HERC4: variants seen among roughly 807,000 people sequenced by gnomAD.
HERC4 encodes the protein probable E3 ubiquitin-protein ligase HERC4.
In HERC4, 28 loss-of-function variants were observed where a neutral mutation model predicts 124.3. The observed-to-expected ratio is 0.23, with a 90% CI of 0.17 to 0.31. The LOEUF is 0.31. Ranked by LOEUF, HERC4 falls within the 10% of genes least tolerant of loss-of-function variation. The pLI is 1.00. For synonymous variants in HERC4, 407 were observed against 421.5 expected, an observed-to-expected ratio of 0.97 and a Z score of 0.42; for missense variants, 713 against 1,229.3, an observed-to-expected ratio of 0.58 and a Z score of 6.28.
At chr10:68,057,354 G>A (rs990040515) in intron 3 of HERC4, among the ~76,000 whole-genome samples, 8 of 152,222 alleles carry the variant, frequency 5.3e-5, no homozygotes, top group Non-Finnish European at 7.4e-5. Flanking sequence ...TATAACTAAC[G>A]GTGGCTCATG....
chr10:68,031,840 GCCTCCTGGGTTC>G (rs2039222062), intron 7 of HERC4, among the ~76,000 whole-genome samples: 1 of 151,914 alleles, frequency 6.6e-6, no homozygotes, highest in Non-Finnish European at 1.5e-5. Context: ...TGCAAACTCC[GCCTCCTGGGTTC>G]AACTGATTCT....
At chr10:67,954,816 TTA>T in intron 18 of HERC4, 78 bp from the exon 19 acceptor site, 1 of 1,341,474 alleles carries the variant, frequency 7.5e-7, no homozygotes, top group Non-Finnish European at 1.0e-6. Context: ...AACATGTTAT[TTA>T]TTACTAATAC....
intron 15 of HERC4, 146 bp from the exon 16 acceptor site, chr10:67,966,948 G>A (rs573006348): frequency 6.3e-5 from 30 of 477,388 alleles, no homozygotes; most frequent in African/African-American, 2.9e-4. Context: ...TCTGCCTCCC[G>A]GGTTCACGCC....
intron 16 of HERC4, chr10:67,959,240 G>T: frequency 9.6e-7 from 1 of 1,038,396 alleles, no homozygotes; most frequent in Non-Finnish European, 1.4e-6. Flanking sequence ...TTTTGCTACA[G>T]CAGAATATTG....
intron 22 of HERC4, among the ~76,000 whole-genome samples, chr10:67,935,485 A>C (rs2032276664): frequency 2.0e-5 from 3 of 152,222 alleles, no homozygotes; most frequent in Middle Eastern, 3.4e-3. Flanking sequence ...TTCCCCAGAA[A>C]AGGATCTTTC....
chr10:68,010,629 A>G (rs2037890294), intron 9 of HERC4: 23 of 1,421,942 alleles, frequency 1.6e-5, no homozygotes, highest in Non-Finnish European at 2.1e-5. Context: ...TATCTCCTGA[A>G]TATTTTCATT....
intron 4 of HERC4, among the ~76,000 whole-genome samples, chr10:68,041,342 A>T (rs60778355): frequency 0.073 from 11,106 of 152,166 alleles, 1,018 homozygotes; most frequent in African/African-American, 0.22. Flanking sequence ...GTAGATTTTT[A>T]AAAAAATGAA....
Position 68,042,625 on chromosome 10 carries a change from GAAAC to G in HERC4, c.386+1775_386+1778del, listed in dbSNP as rs1361339029. Among the ~76,000 whole-genome samples the G allele has an allele frequency of 3.9e-5, 6 of 152,152 alleles. No homozygotes were observed. The South Asian group carries it at 6.2e-4, about 16-fold the overall frequency. Reference sequence around the variant, plus strand: ...GTGACAGAGTGAGACTTTGTCTCAAGAAACAAACAAACAAAAATCTATAAACACC... The same window carrying G: ...GTGACAGAGTGAGACTTTGTCTCAAGAAACAAACAAAAATCTATAAACACC... On this transcript the variant is annotated intron_variant, in intron 4 of 24. Coordinates refer to ENST00000373700, the MANE Select transcript of HERC4 (RefSeq NM_015601.4).
At chr10:67,927,397 T>TAC (rs2031135211) in intron 23 of HERC4, among the ~76,000 whole-genome samples, 1 of 6,338 alleles carries the variant, frequency 1.6e-4, no homozygotes, top group Admixed American at 1.5e-3. Flanking sequence ...TATATATATA[T>TAC]ATATATATAT....
chr10:68,010,929 T>G, intron 9 of HERC4: 9 of 1,224,056 alleles, frequency 7.4e-6, no homozygotes, highest in Non-Finnish European at 1.1e-5. Flanking sequence ...AGTCACATTT[T>G]CAGGCTTTAG....
At chr10:67,952,909 GA>G (rs71006191) in intron 19 of HERC4, among the ~76,000 whole-genome samples, 9,644 of 137,090 alleles carry the variant, frequency 0.07, 334 homozygotes, top group East Asian at 0.12. Flanking sequence ...CAAAAAAAAA[GA>G]AAAAAAAAAA....
chr10:68,059,076 ATACAT>A, intron 3 of HERC4, among the ~76,000 whole-genome samples: 1 of 152,242 alleles, frequency 6.6e-6, no homozygotes, highest in African/African-American at 2.4e-5. Flanking sequence ...GTAGCTCTCT[ATACAT>A]TACTCTCTAC....
chr10:67,939,131 G>A (rs1244660288), intron 21 of HERC4, among the ~76,000 whole-genome samples: 1 of 152,130 alleles, frequency 6.6e-6, no homozygotes, highest in Non-Finnish European at 1.5e-5. Flanking sequence ...GAAATAGAAA[G>A]GAATGTACCA....
Position 67,939,211 on chromosome 10 carries a change from C to T in HERC4, c.2571+377G>A, listed in dbSNP as rs549637700. On this transcript the variant is annotated intron_variant, in intron 21 of 24. Coordinates refer to ENST00000373700, the MANE Select transcript of HERC4 (RefSeq NM_015601.4). ...ACAATAACCTTTTGCTTCTCTAAAG[C>T]ACTTCTGTAATTGCAGACTCAAAAA... Among the ~76,000 whole-genome samples the T allele has an allele frequency of 7.2e-5, 11 of 152,268 alleles. No individual in the cohort carries two copies. The South Asian group carries it at 1.9e-3, about 26-fold the overall frequency.
chr10:68,028,181 TA>T (rs1362329847), intron 7 of HERC4, among the ~76,000 whole-genome samples: 1 of 151,370 alleles, frequency 6.6e-6, no homozygotes, highest in African/African-American at 2.4e-5. Context: ...CATTAACTAT[TA>T]AATTACCTAA....
At chr10:67,959,455 C>G (rs1017511896) in intron 16 of HERC4, among the ~76,000 whole-genome samples, 22 of 151,722 alleles carry the variant, frequency 1.5e-4, no homozygotes, top group African/African-American at 5.3e-4. Flanking sequence ...CTATGCCTGG[C>G]TTGGTCTTAA....
chr10:67,965,282 G>C (rs1354607991), intron 16 of HERC4: 1 of 152,022 alleles, frequency 6.6e-6, no homozygotes, highest in African/African-American at 2.4e-5. Context: ...CATATTATTA[G>C]CTGGTATTTT....
chr10:68,018,988 T>C (rs1012469237), intron 8 of HERC4, among the ~76,000 whole-genome samples: 7 of 137,176 alleles, frequency 5.1e-5, no homozygotes. Context: ...GCCAAAGCAT[T>C]CTTTCTTTTT....
chr10:67,977,160 C>A (rs765765141), intron 15 of HERC4, among the ~76,000 whole-genome samples: 1 of 152,158 alleles, frequency 6.6e-6, no homozygotes, highest in Non-Finnish European at 1.5e-5. Context: ...CTTCCACTTG[C>A]GGAGAGAAGA....
Sources: allele counts gnomAD v4.1 joint callset (sites outside exome capture counted in the v4.1 genomes callset), GRCh38; gene constraint gnomAD v4.1.1; transcripts MANE v1.5; gene names NCBI Gene and HGNC (gene_info 2026-07-23, HGNC 2026-07-21).